Variants in SDK1 observed in about 807,000 individuals in gnomAD.
SDK1 encodes sidekick cell adhesion molecule 1.
SDK1 carries 157 observed loss-of-function variants against 245.5 expected under a neutral mutation model. The observed-to-expected ratio is 0.64, with a 90% CI of 0.56 to 0.73. The LOEUF is 0.73. Among genes scored for constraint, SDK1 ranks in the 30% least tolerant of loss-of-function variants. SDK1 has a pLI of 0.00. For missense variants in SDK1, 3,583 were observed against 3,002.3 expected (o/e 1.19, Z -4.52); for synonymous variants, 1,647 against 1,278.5 (o/e 1.29, Z -6.15).
At chr7:4,195,883 G>T (rs1161486310) in intron 35 of SDK1, among the ~76,000 whole-genome samples, 1 of 152,052 alleles carries the variant, frequency 6.6e-6, no homozygotes, top group African/African-American at 2.4e-5. Flanking sequence ...CCCTTGGGAG[G>T]GTGCCTCCAC....
At chr7:3,378,513 TACAC>T (rs1781407331) in intron 1 of SDK1, among the ~76,000 whole-genome samples, 1 of 152,166 alleles carries the variant, frequency 6.6e-6, no homozygotes, top group East Asian at 1.9e-4. Context: ...AGTGTACACA[TACAC>T]ATGAGGAAAC....
intron 1 of SDK1, among the ~76,000 whole-genome samples, chr7:3,435,557 G>A (rs1779998751): frequency 6.6e-6 from 1 of 151,592 alleles, no homozygotes; most frequent in Non-Finnish European, 1.5e-5. Context: ...TAGAGACGGG[G>A]TTTCACCGTG....
intron 5 of SDK1, among the ~76,000 whole-genome samples, chr7:3,885,534 G>A (rs549051056): frequency 4.6e-5 from 7 of 152,242 alleles, no homozygotes; most frequent in Admixed American, 1.3e-4. Flanking sequence ...AGTCGGCCCC[G>A]TCTAGCACCT....
At chr7:3,305,411 C>T (rs778876367) in intron 1 of SDK1, among the ~76,000 whole-genome samples, 1 of 152,160 alleles carries the variant, frequency 6.6e-6, no homozygotes, top group Admixed American at 6.5e-5. Flanking sequence ...CCTGATTTTT[C>T]TGTGGTCTGG....
chr7:3,446,087 T>C (rs183543408), intron 1 of SDK1, among the ~76,000 whole-genome samples: 66 of 152,120 alleles, frequency 4.3e-4, no homozygotes, highest in African/African-American at 1.5e-3. Flanking sequence ...TCCCTTCTGG[T>C]CCTCTTTAGT....
At chr7:3,751,946 C>A (rs377231437) in intron 4 of SDK1, among the ~76,000 whole-genome samples, 1 of 152,088 alleles carries the variant, frequency 6.6e-6, no homozygotes, top group Admixed American at 6.5e-5. Context: ...GGGGAAGAGA[C>A]GAAAGATAGT....
Position 3,861,609 on chromosome 7 carries a change from G to A in SDK1, c.847+40026G>A, listed in dbSNP as rs141600595. Among the ~76,000 whole-genome samples, 1,036 of 152,290 alleles carry A rather than the reference G, an allele frequency of 6.8e-3. 13 individuals carry two copies. Among genetic ancestry groups the A allele is most frequent in the African/African-American group, 0.023 (968 of 41,542 alleles). On this transcript the variant is annotated intron_variant, in intron 5 of 44. Transcript: ENST00000404826. The stretch of plus-strand genomic sequence containing the variant: ...CTTGAATGTCTTCACCAGAAGGGAT[G>A]TCTGTTAACTTGGTGCTCATTCAAA...
intron 14 of SDK1, 124 bp downstream of exon 14, chr7:3,987,446 C>A: frequency 9.6e-7 from 1 of 1,039,824 alleles, no homozygotes; most frequent in Non-Finnish European, 1.4e-6. Context: ...TAATGCTTTA[C>A]AGGGTTTCAA....
At chr7:3,469,458 G>A (rs1781115817) in intron 1 of SDK1, among the ~76,000 whole-genome samples, 1 of 152,084 alleles carries the variant, frequency 6.6e-6, no homozygotes, top group East Asian at 1.9e-4. Context: ...TCCTTGGAAG[G>A]AATTAAGACC....
chr7:3,407,600 T>G (rs189168912), intron 1 of SDK1, among the ~76,000 whole-genome samples: 3 of 152,188 alleles, frequency 2.0e-5, no homozygotes. Flanking sequence ...TTTAAGAAAT[T>G]AGACGTATTT....
chr7:3,967,381 T>C lies in SDK1; in HGVS notation c.1493T>C (p.Ile498Thr). ...DTTVTDGMTA[I>T]LRCEVSGAPK... is the part of the protein sequence containing the mutation. ...ACAGTTACTGACGGGATGACAGCCATTCTAAGGTGTGAGGTGTCCGGGGCT... is the reference window on the plus strand; with the variant it reads ...ACAGTTACTGACGGGATGACAGCCACTCTAAGGTGTGAGGTGTCCGGGGCT... Residue 498 changes from isoleucine to threonine, a missense_variant, in exon 10 of 45, where the codon ATT becomes ACT. Ile to Thr is a moderately conservative substitution (Grantham distance 89, BLOSUM62 -1). Coordinates refer to ENST00000404826, the MANE Select transcript of SDK1 (RefSeq NM_152744.4). 6.2e-7 allele frequency: 1 copy of C among 1,614,154 alleles called. No homozygotes were observed. Among genetic ancestry groups the C allele is most frequent in the Non-Finnish European group, 8.5e-7 (1 of 1,180,014 alleles).
At chr7:4,050,422 C>G (rs1000553577) in intron 18 of SDK1, among the ~76,000 whole-genome samples, 1 of 152,194 alleles carries the variant, frequency 6.6e-6, no homozygotes, top group African/African-American at 2.4e-5. Flanking sequence ...GCCTTCTTCC[C>G]TCTCCTGTCG....
At chr7:3,386,495 G>A (rs893051704) in intron 1 of SDK1, among the ~76,000 whole-genome samples, 2 of 152,174 alleles carry the variant, frequency 1.3e-5, no homozygotes, top group Non-Finnish European at 2.9e-5. Context: ...CTGTCTAGAA[G>A]TAATTTCTAG....
chr7:3,821,277 G>C (rs1779639253), intron 4 of SDK1, among the ~76,000 whole-genome samples, 173 bp from the exon 5 acceptor site: 1 of 152,184 alleles, frequency 6.6e-6, no homozygotes, highest in African/African-American at 2.4e-5. Flanking sequence ...GATCAGAAGA[G>C]GCTCTCTCTG....
At chr7:3,345,303 G>C (rs1780463392) in intron 1 of SDK1, among the ~76,000 whole-genome samples, 1 of 152,010 alleles carries the variant, frequency 6.6e-6, no homozygotes, top group South Asian at 2.1e-4. Flanking sequence ...AGAATACATT[G>C]AAAAAAGATA....
intron 5 of SDK1, among the ~76,000 whole-genome samples, chr7:3,838,938 C>T (rs543124161): frequency 2.6e-5 from 4 of 152,160 alleles, no homozygotes; most frequent in South Asian, 2.1e-4. Flanking sequence ...CCTATCTGCT[C>T]GGGCCCTGAA....
At chr7:3,739,537 T>G (rs1282761567) in intron 4 of SDK1, among the ~76,000 whole-genome samples, 1 of 152,188 alleles carries the variant, frequency 6.6e-6, no homozygotes, top group Non-Finnish European at 1.5e-5. Context: ...GTTCAGTGAT[T>G]CTTTTTCTGC....
chr7:4,030,439 G>A (rs1175641228), intron 17 of SDK1, among the ~76,000 whole-genome samples: 2 of 152,218 alleles, frequency 1.3e-5, no homozygotes, highest in East Asian at 3.9e-4. Flanking sequence ...GAGCAGGAAG[G>A]TTGGGTCCAA....
chr7:3,588,590 GTC>G (rs1365119386), intron 1 of SDK1, among the ~76,000 whole-genome samples: 1 of 152,134 alleles, frequency 6.6e-6, no homozygotes, highest in East Asian at 1.9e-4. Flanking sequence ...GGTGATGAAA[GTC>G]TCTTCAGTCA....
Sources: gnomAD v4.1 joint callset for allele counts (sites outside exome capture counted in the v4.1 genomes callset) on GRCh38, gnomAD v4.1.1 for gene constraint, MANE v1.5 for transcripts, NCBI Gene and HGNC (gene_info 2026-07-23, HGNC 2026-07-21) for gene names.